CPLX1: variants seen among roughly 807,000 people sequenced by gnomAD.
The protein encoded by CPLX1 is complexin-1.
Under a neutral mutation model 15.6 loss-of-function variants are expected in CPLX1, and 6 were observed. The observed-to-expected ratio is 0.39, with a 90% confidence interval of 0.21 to 0.76. CPLX1 has a LOEUF of 0.76. Ranked by LOEUF, CPLX1 falls within the 30% of genes least tolerant of loss-of-function variation. The pLI, the probability that CPLX1 is intolerant of heterozygous loss-of-function variation, is 0.43. For missense variants in CPLX1, 242 were observed against 188.6 expected (o/e 1.28, Z -1.66); for synonymous variants, 91 against 75.2 (o/e 1.21, Z -1.08).
At chr4:803,954 A>G (rs550439391) in intron 2 of CPLX1, among the ~76,000 whole-genome samples, 1 of 152,014 alleles carries the variant, frequency 6.6e-6, no homozygotes, top group South Asian at 2.1e-4. Context: ...TACAGGCGTG[A>G]GCCACCACGC....
At chr4:799,191 G>C (rs1746404755) in intron 2 of CPLX1, among the ~76,000 whole-genome samples, 1 of 152,220 alleles carries the variant, frequency 6.6e-6, no homozygotes, top group Non-Finnish European at 1.5e-5. Context: ...ATTTCAGAAG[G>C]GGCCCTGCCC....
chr4:795,581 C>G (rs1746309286), intron 2 of CPLX1, among the ~76,000 whole-genome samples: 1 of 152,188 alleles, frequency 6.6e-6, no homozygotes. Flanking sequence ...CCTCGACGTA[C>G]AGGGGCCGAC....
At chr4:810,043 CTT>C (rs969062997) in intron 2 of CPLX1, among the ~76,000 whole-genome samples, 1 of 136,806 alleles carries the variant, frequency 7.3e-6, no homozygotes, top group Non-Finnish European at 1.6e-5. Context: ...TGGATCTGCA[CTT>C]TCTTTTTTTT....
rs1194184824 is a variant in CPLX1 at position 785,513 on chromosome 4, A to C, written c.*988T>G. 6.6e-6 allele frequency: 1 copy of C among 152,540 alleles called. No individual in the cohort carries two copies. The highest frequency in any genetic ancestry group is 2.4e-5 in the African/African-American group (1 of 41,446). The allele number at this position is 152,540 out of a possible 1,614,324, so 9.4% of individuals were successfully genotyped here. ...GACCTCATTTACCTGAGATTCAACA[A>C]ATTGTGATGCAAATTAAACATGAAT... On this transcript the variant is annotated 3_prime_UTR_variant, in exon 4 of 4. Coordinates refer to ENST00000304062, the MANE Select transcript of CPLX1 (RefSeq NM_006651.4).
chr4:787,176 C>T (rs1017013665), intron 3 of CPLX1: 13 of 985,356 alleles, frequency 1.3e-5, no homozygotes, highest in Middle Eastern at 5.2e-4. Flanking sequence ...TGCCTGGATG[C>T]GGCCGCGGCC....
At chr4:814,079 C>G (rs1341111302) in intron 2 of CPLX1, among the ~76,000 whole-genome samples, 3 of 152,204 alleles carry the variant, frequency 2.0e-5, no homozygotes, top group African/African-American at 7.2e-5. Context: ...ACTCAGAGGC[C>G]TCTCTCCCGT....
At position 792,574 on chromosome 4, in the gene CPLX1, AC is replaced by A; in HGVS notation, c.65del (p.Gly22ValfsTer73). ...CGGCGTCTGGGTCCTTCTCCTCGTC[AC>A]CCCCCAGCATCTTCCCCATGTCCTT... Reference protein sequence around the residue: ...ATKDMGKMLGGDEEKDPDAAK... With the variant: ...ATKDMGKMLGXDEEKDPDAAK... On this transcript the variant is annotated frameshift_variant, in exon 3 of 4. Coordinates refer to ENST00000304062, the MANE Select transcript of CPLX1 (RefSeq NM_006651.4). LOFTEE classifies it high-confidence loss of function. The A allele has an allele frequency of 6.2e-7, 1 of 1,604,408 alleles. No homozygotes were observed. The highest frequency in any genetic ancestry group is 8.5e-7 in the Non-Finnish European group (1 of 1,176,166).
rs983361370 is a variant in CPLX1, at chr4:825,471, T to G, written c.-80+575A>C. Among the ~76,000 whole-genome samples, 4 of 151,298 alleles carry G rather than the reference T, an allele frequency of 2.6e-5. No individual in the cohort carries two copies. The South Asian group carries it at 6.2e-4, about 24-fold the overall frequency. On this transcript the variant is annotated intron_variant, in intron 1 of 3. Transcript: ENST00000304062. ...CCGATTCTCCTCCAAACTTCTCCCCTGGCTCCCGCGGCGCGGGGAAGGAGG... is the reference window on the plus strand; with the variant it reads ...CCGATTCTCCTCCAAACTTCTCCCCGGGCTCCCGCGGCGCGGGGAAGGAGG...
intron 2 of CPLX1, among the ~76,000 whole-genome samples, chr4:823,813 G>C (rs1374977918): frequency 6.6e-6 from 1 of 152,246 alleles, no homozygotes; most frequent in Non-Finnish European, 1.5e-5. Flanking sequence ...AAGTGGGGAC[G>C]AGGTTCCTTT....
At chr4:812,886 AGT>A (rs2152647276) in intron 2 of CPLX1, among the ~76,000 whole-genome samples, 1 of 152,264 alleles carries the variant, frequency 6.6e-6, no homozygotes, top group Non-Finnish European at 1.5e-5. Flanking sequence ...TACAAATGAT[AGT>A]GTACTGAGTT....
At chr4:787,531 T>C in intron 3 of CPLX1, 1 of 644,442 alleles carries the variant, frequency 1.6e-6, no homozygotes, top group Middle Eastern at 7.9e-4. Context: ...GAGAGTGTCC[T>C]TGTAAGAGAC....
At chr4:823,980 C>T (rs77630601) in intron 2 of CPLX1, among the ~76,000 whole-genome samples, 3 of 152,358 alleles carry the variant, frequency 2.0e-5, no homozygotes, top group East Asian at 3.9e-4. Context: ...CTGAGGATGG[C>T]GCTGCCTCAC....
chr4:805,794 C>A (rs528250066), intron 2 of CPLX1, among the ~76,000 whole-genome samples: 1 of 152,302 alleles, frequency 6.6e-6, no homozygotes, highest in African/African-American at 2.4e-5. Flanking sequence ...AGTTCCAACA[C>A]AAACTGCAAC....
At chr4:819,503 T>G (rs1414542600) in intron 2 of CPLX1, among the ~76,000 whole-genome samples, 2 of 152,272 alleles carry the variant, frequency 1.3e-5, no homozygotes, top group Admixed American at 6.5e-5. Flanking sequence ...GTTGGCATTT[T>G]ACTGTTAAGT....
At chr4:816,405 G>T (rs1746756852) in intron 2 of CPLX1, among the ~76,000 whole-genome samples, 1 of 151,722 alleles carries the variant, frequency 6.6e-6, no homozygotes, top group East Asian at 1.9e-4. Flanking sequence ...TTTTAGTAGA[G>T]AACAGGGTTT....
At chr4:821,933 C>G (rs896627144) in intron 2 of CPLX1, among the ~76,000 whole-genome samples, 2 of 152,182 alleles carry the variant, frequency 1.3e-5, no homozygotes, top group Admixed American at 1.3e-4. Context: ...AGGCCTGTCC[C>G]CCTGCCCAGA....
chr4:787,345 G>A (rs1405183243), intron 3 of CPLX1: 71 of 985,306 alleles, frequency 7.2e-5, no homozygotes, highest in Non-Finnish European at 8.0e-5. Context: ...GCCCACCCGC[G>A]TTTCTCATCT....
intron 2 of CPLX1, among the ~76,000 whole-genome samples, chr4:806,712 C>T (rs1746561503): frequency 6.6e-6 from 1 of 152,056 alleles, no homozygotes; most frequent in African/African-American, 2.4e-5. Context: ...AGCCAACAAA[C>T]CTGTGAAAAA....
At chr4:815,520 G>A (rs190012570) in intron 2 of CPLX1, among the ~76,000 whole-genome samples, 239 of 152,166 alleles carry the variant, frequency 1.6e-3, no homozygotes, top group Non-Finnish European at 2.9e-3. Context: ...ATACAGCCAC[G>A]GAGGGGCATG....
Sources: allele counts gnomAD v4.1 joint callset (sites outside exome capture counted in the v4.1 genomes callset), GRCh38; gene constraint gnomAD v4.1.1; transcripts MANE v1.5; gene names NCBI Gene and HGNC (gene_info 2026-07-23, HGNC 2026-07-21).